Variants in ANO1 observed in about 807,000 individuals in gnomAD.
ANO1 encodes the protein anoctamin 1, also known as anoctamin-1.
In ANO1, 59 loss-of-function variants were observed where a neutral mutation model predicts 124.0. The observed-to-expected ratio is 0.48, with a 90% CI of 0.39 to 0.59. ANO1 has a LOEUF of 0.59. Ranked by LOEUF, ANO1 falls within the 20% of genes least tolerant of loss-of-function variation. ANO1 has a pLI of 0.00. For missense variants in ANO1, 1,059 were observed against 1,328.0 expected (o/e 0.80, Z 3.15); for synonymous variants, 529 against 532.0 (o/e 0.99, Z 0.08).
intron 21 of ANO1, 30 bp from the exon 22 acceptor site, chr11:70,170,857 G>A (rs1217927231): frequency 3.1e-6 from 5 of 1,608,076 alleles, no homozygotes; most frequent in Non-Finnish European, 4.2e-6. Flanking sequence ...GGCTCACGGG[G>A]TGCTGACTAG....
intron 1 of ANO1, among the ~76,000 whole-genome samples, chr11:70,049,866 G>T (rs1857324895): frequency 6.6e-6 from 1 of 152,086 alleles, no homozygotes; most frequent in African/African-American, 2.4e-5. Context: ...GATTTCAGGT[G>T]CCCACCACCA....
At chr11:70,038,396 C>T (rs1476620127) in intron 1 of ANO1, among the ~76,000 whole-genome samples, 1 of 152,186 alleles carries the variant, frequency 6.6e-6, no homozygotes, top group African/African-American at 2.4e-5. Flanking sequence ...AGCCATAGGA[C>T]AATTGCATCA....
chr11:70,078,535 C>T lies in ANO1; in HGVS notation c.-72C>T. 9.1e-7 allele frequency: 1 copy of T among 1,099,708 alleles called. No individual in the cohort carries two copies. The highest frequency in any genetic ancestry group is 2.5e-4 in the Middle Eastern group (1 of 3,960). The allele number at this position is 1,099,708 out of a possible 1,614,324, so 68.1% of individuals were successfully genotyped here. A position where few individuals can be genotyped will look rare whatever the true frequency, so the allele number is the denominator to read the frequency against. On this transcript the variant is annotated 5_prime_UTR_variant, in exon 1 of 26. Coordinates refer to ENST00000355303, the MANE Select transcript of ANO1 (RefSeq NM_018043.7). ...CGCGCCGCGAACGCTGCGGTCTCCGCCCGCAGAGGCCGCCGGGGCCGTGGA... is the reference window on the plus strand; with the variant it reads ...CGCGCCGCGAACGCTGCGGTCTCCGTCCGCAGAGGCCGCCGGGGCCGTGGA...
At chr11:70,117,616 T>C (rs191185901) in intron 8 of ANO1, among the ~76,000 whole-genome samples, 8 of 152,298 alleles carry the variant, frequency 5.3e-5, no homozygotes, top group Admixed American at 3.3e-4. Flanking sequence ...CGTCAGCCTC[T>C]GTTCCCCAAA....
intron 1 of ANO1, among the ~76,000 whole-genome samples, chr11:70,035,674 C>T (rs7101639): frequency 0.24 from 36,369 of 151,924 alleles, 4,947 homozygotes; most frequent in South Asian, 0.33. Context: ...TGTCCTAATG[C>T]TCTCCCTCCC....
intron 1 of ANO1, among the ~76,000 whole-genome samples, chr11:69,998,587 T>A (rs1309377103): frequency 6.6e-6 from 1 of 152,194 alleles, no homozygotes; most frequent in Non-Finnish European, 1.5e-5. Context: ...GGATGTGTGT[T>A]TTTATATCTC....
intron 1 of ANO1, chr11:70,015,879 T>C (rs1205953502): frequency 1.3e-5 from 2 of 152,318 alleles, no homozygotes; most frequent in Non-Finnish European, 2.9e-5. Flanking sequence ...CTGAGACATG[T>C]CCACAGCCAC....
intron 12 of ANO1, among the ~76,000 whole-genome samples, chr11:70,150,215 C>G (rs182079654): frequency 7.9e-5 from 12 of 152,302 alleles, no homozygotes; most frequent in Admixed American, 7.8e-4. Flanking sequence ...GTGCCAAACC[C>G]ACGTTCCCTG....
chr11:70,061,540 A>G (rs1309077515), intron 1 of ANO1, among the ~76,000 whole-genome samples: 8 of 144,368 alleles, frequency 5.5e-5, no homozygotes, highest in African/African-American at 2.1e-4. Context: ...CTCCTCCAGA[A>G]TGTTGAGCTT....
intron 12 of ANO1, 114 bp from the exon 13 acceptor site, chr11:70,152,336 A>G: frequency 3.5e-6 from 1 of 284,134 alleles, no homozygotes; most frequent in Non-Finnish European, 5.3e-6. Flanking sequence ...CTCCATCTCA[A>G]AAAAAAAAAA....
the ANO1 span, among the ~76,000 whole-genome samples, chr11:69,968,050 G>A: frequency 6.6e-6 from 1 of 152,162 alleles, no homozygotes; most frequent in Non-Finnish European, 1.5e-5. Flanking sequence ...GGTGGGCAGG[G>A]AGACTTTGGG....
At chr11:69,973,403 A>G in the ANO1 span, among the ~76,000 whole-genome samples, 1 of 152,224 alleles carries the variant, frequency 6.6e-6, no homozygotes, top group Non-Finnish European at 1.5e-5. Context: ...GCTCCAGGAA[A>G]TGCTGATTGG....
intron 11 of ANO1, among the ~76,000 whole-genome samples, chr11:70,148,848 T>C (rs2047479400): frequency 6.6e-6 from 1 of 152,074 alleles, no homozygotes. Flanking sequence ...GGGATCCTGA[T>C]GGAAGGCAGC....
intron 5 of ANO1, among the ~76,000 whole-genome samples, chr11:70,107,662 G>A (rs1197295904): frequency 3.3e-5 from 5 of 152,194 alleles, no homozygotes; most frequent in Non-Finnish European, 5.9e-5. Context: ...CGGGAGTGGT[G>A]ATGTCGCTGG....
chr11:69,985,105 G>C (rs959251361), upstream of ANO1, among the ~76,000 whole-genome samples: 1 of 152,208 alleles, frequency 6.6e-6, no homozygotes, highest in Admixed American at 6.5e-5. Context: ...GGCTGGAGAG[G>C]GGCAATCCCG....
chr11:70,169,920 C>T (rs887380593), intron 21 of ANO1: 22 of 305,078 alleles, frequency 7.2e-5, no homozygotes, highest in African/African-American at 4.8e-4. Context: ...TGTGCAGTTC[C>T]CGAACCAGCT....
At chr11:70,030,245 A>G (rs1304017823) in intron 1 of ANO1, among the ~76,000 whole-genome samples, 2 of 152,188 alleles carry the variant, frequency 1.3e-5, no homozygotes, top group African/African-American at 4.8e-5. Flanking sequence ...GCTGTGGGAA[A>G]TTGGCATCTG....
chr11:70,070,740 C>T (rs1408254952), intron 1 of ANO1, among the ~76,000 whole-genome samples: 1 of 152,100 alleles, frequency 6.6e-6, no homozygotes, highest in African/African-American at 2.4e-5. Flanking sequence ...AGCCAATGGG[C>T]GAGTGAGCAG....
intron 10 of ANO1, among the ~76,000 whole-genome samples, chr11:70,130,773 C>A (rs751459703): frequency 6.6e-6 from 1 of 152,166 alleles, no homozygotes; most frequent in African/African-American, 2.4e-5. Flanking sequence ...CCTGGCAGGC[C>A]CCCCCGGCTT....
Sources: gnomAD v4.1 joint callset for allele counts (sites outside exome capture counted in the v4.1 genomes callset) on GRCh38, gnomAD v4.1.1 for gene constraint, MANE v1.5 for transcripts, NCBI Gene and HGNC (gene_info 2026-07-23, HGNC 2026-07-21) for gene names.